KDM2A: variants seen among roughly 807,000 people sequenced by gnomAD.
The protein encoded by KDM2A is lysine-specific demethylase 2A.
KDM2A carries 3 observed loss-of-function variants against 137.3 expected under a neutral mutation model. The ratio of observed to expected loss-of-function variants is 0.02; its 90% confidence interval spans 0.01 to 0.06. KDM2A has a LOEUF of 0.06. Among genes scored for constraint, KDM2A ranks in the 10% least tolerant of loss-of-function variants. The probability of loss-of-function intolerance (pLI) is 1.00; values close to 1 mark genes in which losing one functional copy is unlikely to be tolerated. For missense variants in KDM2A, 738 were observed against 1,510.6 expected, an observed-to-expected ratio of 0.49 and a Z score of 8.48; for synonymous variants, 512 against 541.5, an observed-to-expected ratio of 0.95 and a Z score of 0.76.
Position 67,250,713 on chromosome 11 carries a change from C to A in KDM2A, c.2683C>A (p.Arg895=). 1 of 1,582,226 alleles carries A rather than the reference C, an allele frequency of 6.3e-7. No individual in the cohort carries two copies. Among genetic ancestry groups the A allele is most frequent in the Non-Finnish European group, 8.6e-7 (1 of 1,162,896 alleles). Residue 895 remains arginine (R), a synonymous_variant, in exon 17 of 21, where the codon CGG becomes AGG. Coordinates refer to ENST00000529006, the MANE Select transcript of KDM2A (RefSeq NM_012308.3). This position sits in a 1 kb window ranked among gnomAD's most constrained non-coding sequence, Gnocchi z 7.1. The stretch of plus-strand genomic sequence containing the variant: ...GGATGGAGACGAAAGCTGGATGCAG[C>A]GGGAGGTCTGGATGTCTGTCTTCCG... ...AQDGDESWMQ[R]EVWMSVFRYL...
chr11:67,248,653 G>A (rs1859320578), intron 16 of KDM2A: 1 of 352,704 alleles, frequency 2.8e-6, no homozygotes, highest in African/African-American at 2.1e-5. Flanking sequence ...AACCACGGCT[G>A]GGCTATTTGA....
intron 2 of KDM2A, among the ~76,000 whole-genome samples, chr11:67,122,643 TTTTATTTATTTATTTATTTA>T (rs561153207): frequency 2.1e-4 from 31 of 144,576 alleles, no homozygotes; most frequent in African/African-American, 7.1e-4. Context: ...TTTTATTTAT[TTTTATTTATTTATTTATTTA>T]TTTATTTATT....
intron 2 of KDM2A, among the ~76,000 whole-genome samples, chr11:67,124,862 C>CTT (rs1266365913): frequency 2.1e-5 from 3 of 142,570 alleles, no homozygotes; most frequent in Admixed American, 1.4e-4. Flanking sequence ...CTTTTTCTTT[C>CTT]TTTTTTTTTT....
intron 16 of KDM2A, among the ~76,000 whole-genome samples, chr11:67,248,951 G>A (rs921233940): frequency 1.3e-5 from 2 of 152,188 alleles, no homozygotes; most frequent in South Asian, 4.1e-4. Flanking sequence ...ATGTCAAAGG[G>A]CCAAAAGGAC....
chr11:67,238,985 G>A (rs1370683881), intron 12 of KDM2A, among the ~76,000 whole-genome samples: 2 of 152,152 alleles, frequency 1.3e-5, no homozygotes, highest in African/African-American at 4.8e-5. Context: ...TCCCAGCTGG[G>A]GATCCGGGGA....
intron 2 of KDM2A, among the ~76,000 whole-genome samples, chr11:67,164,593 A>G (rs778406802): frequency 2.6e-5 from 4 of 151,126 alleles, no homozygotes; most frequent in Non-Finnish European, 5.9e-5. Flanking sequence ...CTAGGATTAC[A>G]GGCATGAGCC....
At chr11:67,201,537 A>G (rs896801402) in intron 5 of KDM2A, among the ~76,000 whole-genome samples, 1 of 151,780 alleles carries the variant, frequency 6.6e-6, no homozygotes, top group Non-Finnish European at 1.5e-5. Flanking sequence ...TTGGGAGGCC[A>G]AGGTGGGCAG....
intron 2 of KDM2A, among the ~76,000 whole-genome samples, chr11:67,121,624 G>C (rs1855599305): frequency 6.6e-6 from 1 of 152,104 alleles, no homozygotes; most frequent in South Asian, 2.1e-4. Context: ...GGATTTTGTG[G>C]ATTACAATGT....
chr11:67,135,178 C>T (rs934282581), intron 2 of KDM2A, among the ~76,000 whole-genome samples: 7 of 152,056 alleles, frequency 4.6e-5, no homozygotes, highest in African/African-American at 1.7e-4. Context: ...AAGCGATTCT[C>T]CTGCCTCAGC....
In KDM2A at chr11:67,148,975, G is replaced by A. The variant is rs148692966; in HGVS notation, c.42+27617G>A. On this transcript the variant is annotated intron_variant, in intron 2 of 20. Transcript: ENST00000529006. Reference sequence around the variant, plus strand: ...AATCTTGTAAACTATTTATAGGTTTGGGTTGTTATAACATGTTTAGCATGG... The same window carrying A: ...AATCTTGTAAACTATTTATAGGTTTAGGTTGTTATAACATGTTTAGCATGG... 2.8e-4 allele frequency: 42 copies of A among 152,232 alleles called. No homozygotes were observed. In the East Asian group the frequency reaches 7.9e-3, roughly 29 times the overall value. 9.4% of individuals were successfully genotyped at this position (152,232 alleles called of 1,614,324 possible).
intron 13 of KDM2A, 136 bp downstream of exon 13, chr11:67,243,228 T>C: frequency 1.6e-6 from 1 of 633,404 alleles, no homozygotes; most frequent in South Asian, 1.9e-5. Flanking sequence ...AAAATCATTA[T>C]TCAGTTCTGT....
chr11:67,210,847 A>T (rs889755002), intron 6 of KDM2A, among the ~76,000 whole-genome samples: 4 of 152,204 alleles, frequency 2.6e-5, no homozygotes, highest in Non-Finnish European at 5.9e-5. Context: ...CAAGTTTTAC[A>T]TTTATAGCTA....
intron 3 of KDM2A, among the ~76,000 whole-genome samples, 196 bp from the exon 4 acceptor site, chr11:67,181,124 C>T (rs1252358509): frequency 2.0e-5 from 3 of 151,998 alleles, no homozygotes; most frequent in Admixed American, 6.6e-5. Context: ...ACCCCTCAAG[C>T]GTTGCTTCTC....
chr11:67,201,772 C>CAAAAAAAAAAAAAAAAAAAAAAAA (rs71056184), intron 5 of KDM2A, among the ~76,000 whole-genome samples: 3 of 37,812 alleles, frequency 7.9e-5, no homozygotes, highest in East Asian at 1.2e-3. Context: ...GACTCCATCT[C>CAAAAAAAAAAAAAAAAAAAAAAAA]AAAAAAAAAA....
At chr11:67,216,529 A>G (rs1858164888) in intron 8 of KDM2A, among the ~76,000 whole-genome samples, 2 of 152,384 alleles carry the variant, frequency 1.3e-5, no homozygotes, top group African/African-American at 4.8e-5. Context: ...GGTTTATAGT[A>G]TTATACTCTT....
intron 2 of KDM2A, among the ~76,000 whole-genome samples, chr11:67,176,463 G>T (rs977009735): frequency 6.6e-6 from 1 of 152,178 alleles, no homozygotes; most frequent in African/African-American, 2.4e-5. Flanking sequence ...GGCACATCCA[G>T]TTTCCTGTTG....
Position 67,154,595 on chromosome 11 carries a change from C to A in KDM2A, c.43-25484C>A, listed in dbSNP as rs1482909225. Among the ~76,000 whole-genome samples the A allele has an allele frequency of 1.9e-4, 29 of 151,866 alleles. 1 individual carries two copies. Among genetic ancestry groups the A allele is most frequent in the Non-Finnish European group, 1.2e-4 (8 of 67,946 alleles). On this transcript the variant is annotated intron_variant, in intron 2 of 20. Coordinates refer to ENST00000529006, the MANE Select transcript of KDM2A (RefSeq NM_012308.3). ...TTATAGGCACCTGTCACACACCTGG[C>A]TAATTTTTTCTTTTTTTTTTTTAGG...
In KDM2A at chr11:67,254,465, G is replaced by T; in HGVS notation, c.3307+47G>T. ...TAATCAGCGGTGCCCCCTGCCTCCA[G>T]CCCTCCCTGGAACTTGATCAGTAAA... On this transcript the variant is annotated intron_variant, in intron 20 of 20. Coordinates refer to ENST00000529006, the MANE Select transcript of KDM2A (RefSeq NM_012308.3). This position sits in a 1 kb window ranked among gnomAD's most constrained non-coding sequence, Gnocchi z 4.7. 1 of 1,522,450 alleles carries T rather than the reference G, an allele frequency of 6.6e-7. No individual in the cohort carries two copies. The allele number at this position is 1,522,450 out of a possible 1,614,324, so 94.3% of individuals were successfully genotyped here.
chr11:67,204,350 C>T (rs749609636), intron 5 of KDM2A, among the ~76,000 whole-genome samples: 2 of 152,048 alleles, frequency 1.3e-5, no homozygotes, highest in African/African-American at 2.4e-5. Flanking sequence ...AGTCATTCTC[C>T]GTTTTCTCCT....
Sources: allele counts gnomAD v4.1 joint callset (sites outside exome capture counted in the v4.1 genomes callset), GRCh38; gene constraint gnomAD v4.1.1; non-coding constraint Gnocchi (gnomAD v3.1); transcripts MANE v1.5; gene names NCBI Gene and HGNC (gene_info 2026-07-23, HGNC 2026-07-21).